MAP3K13: variants seen among roughly 807,000 people sequenced by gnomAD.
The protein encoded by MAP3K13 is leucine zipper-bearing kinase.
Under a neutral mutation model 104.0 loss-of-function variants are expected in MAP3K13, and 52 were observed. The observed-to-expected ratio is 0.50, with a 90% confidence interval of 0.40 to 0.63. The LOEUF is 0.63. MAP3K13 is among the 20% of genes least tolerant of loss of function. MAP3K13 has a pLI of 0.00. For synonymous variants in MAP3K13, 394 were observed against 442.2 expected (o/e 0.89, Z 1.37); for missense variants, 914 against 1,218.5 (o/e 0.75, Z 3.72).
chr3:185,319,087 A>G (rs955740853), intron 2 of MAP3K13, among the ~76,000 whole-genome samples: 8 of 152,204 alleles, frequency 5.3e-5, no homozygotes, highest in Admixed American at 3.3e-4. Context: ...ATAAAAATGA[A>G]ATCCTATTGT....
chr3:185,454,364 GAGAT>G (rs1491472723), intron 7 of MAP3K13, among the ~76,000 whole-genome samples: 2 of 86,970 alleles, frequency 2.3e-5, no homozygotes, highest in African/African-American at 8.8e-5. Context: ...AGATATATAT[GAGAT>G]ATATATATGA....
chr3:185,437,498 G>C lies in MAP3K13; in HGVS notation c.527G>C (p.Ser176Thr). Residue 176 changes from serine to threonine, a missense_variant, in exon 3 of 14, where the codon AGT (serine) becomes ACT (threonine). By Grantham distance (58) the Ser-to-Thr change is moderately conservative (BLOSUM62 1). This residue lies in a region of MAP3K13 where 175 missense variants were observed against 321.3 expected (regional missense o/e 0.54). Coordinates refer to ENST00000265026, the MANE Select transcript of MAP3K13 (RefSeq NM_004721.5). ...ATCTCAGAGCTGCAGTGGCTGGGTA[G>C]TGGAGCCCAAGGAGCGGTCTTCTTG... ...EEISELQWLG[S>T]GAQGAVFLGK... 2 of 1,614,026 alleles carry C rather than the reference G, an allele frequency of 1.2e-6. No homozygotes were observed. Among genetic ancestry groups the C allele is most frequent in the Non-Finnish European group, 1.7e-6 (2 of 1,179,984 alleles).
intron 1 of MAP3K13, among the ~76,000 whole-genome samples, chr3:185,415,137 TTTTTTATTTTTA>T (rs1165609761): frequency 1.3e-5 from 2 of 152,080 alleles, no homozygotes; most frequent in African/African-American, 2.4e-5. Context: ...GTGGCATATA[TTTTTTATTTTTA>T]TTTTTATTTT....
intron 2 of MAP3K13, among the ~76,000 whole-genome samples, chr3:185,357,205 G>A (rs1723395560): frequency 5.3e-5 from 8 of 151,976 alleles, no homozygotes; most frequent in Admixed American, 4.6e-4. Flanking sequence ...AGCACTTTGG[G>A]AGGCCGAGGC....
chr3:185,330,093 G>A (rs1486600576), intron 2 of MAP3K13, among the ~76,000 whole-genome samples: 1 of 122,212 alleles, frequency 8.2e-6, no homozygotes, highest in Non-Finnish European at 1.6e-5. Flanking sequence ...AGTAGAGATG[G>A]GGTTTCACCA....
In MAP3K13 at chr3:185,388,049, G is replaced by A. The variant is rs553107766; in HGVS notation, c.-86+24681G>A. 2.0e-5 allele frequency among the ~76,000 whole-genome samples: 3 copies of A among 151,006 alleles called. No homozygotes were observed. In the South Asian group the frequency reaches 6.3e-4, roughly 32 times the overall value. On this transcript the variant is annotated intron_variant, in intron 1 of 13. Coordinates refer to ENST00000265026, the MANE Select transcript of MAP3K13 (RefSeq NM_004721.5). ...AAAAATCAGTGCACAAAAATCAGTA[G>A]TTTACACAAAATATATACCAACAAC...
In MAP3K13 at chr3:185,483,127, G is replaced by A. The variant is rs1046646253; in HGVS notation, c.*671G>A. ...GATACTTGCACCCAATGTCTTCAAG[G>A]GCATGTGCTTCCTCTAGGAGGGAAA... On this transcript the variant is annotated 3_prime_UTR_variant, in exon 14 of 14. Coordinates refer to ENST00000265026, the MANE Select transcript of MAP3K13 (RefSeq NM_004721.5). 1 of 232,956 alleles carries A rather than the reference G, an allele frequency of 4.3e-6. No homozygotes were observed. Among genetic ancestry groups the A allele is most frequent in the African/African-American group, 2.2e-5 (1 of 45,310 alleles). The allele number at this position is 232,956 out of a possible 1,614,324, so 14.4% of individuals were successfully genotyped here.
chr3:185,311,188 C>T (rs1489723821), intron 2 of MAP3K13, among the ~76,000 whole-genome samples: 1 of 152,106 alleles, frequency 6.6e-6, no homozygotes, highest in African/African-American at 2.4e-5. Context: ...CATTTTCATG[C>T]TGCTAATAAA....
chr3:185,301,716 T>A (rs1478616504), intron 2 of MAP3K13, among the ~76,000 whole-genome samples: 1 of 152,180 alleles, frequency 6.6e-6, no homozygotes, highest in Non-Finnish European at 1.5e-5. Flanking sequence ...CCAATGCCAT[T>A]TGTTGAAGAG....
At position 185,454,775 on chromosome 3, in the gene MAP3K13, TGA is replaced by T. The variant is rs1158274408; in HGVS notation, c.1278+3383_1278+3384del. The stretch of plus-strand genomic sequence containing the variant: ...ATATGAGATATATATGACATATATA[TGA>T]GATATATACATGATATATATGAGAT... On this transcript the variant is annotated intron_variant, in intron 7 of 13. Transcript: ENST00000265026. 1.9e-5 allele frequency among the ~76,000 whole-genome samples: 2 copies of T among 105,360 alleles called. 1 individual carries two copies. Among genetic ancestry groups the T allele is most frequent in the East Asian group, 4.9e-4 (2 of 4,076 alleles). 69.1% of individuals were successfully genotyped at this position (105,360 alleles called of 152,430 possible). A position where few individuals can be genotyped will look rare whatever the true frequency, so the allele number is the denominator to read the frequency against.
intron 2 of MAP3K13, among the ~76,000 whole-genome samples, chr3:185,287,182 C>A (rs1226294574): frequency 6.6e-6 from 1 of 152,138 alleles, no homozygotes. Flanking sequence ...GCTGACCTGA[C>A]CAGGTGATAC....
At chr3:185,471,517 TG>T (rs1257126774) in intron 10 of MAP3K13, among the ~76,000 whole-genome samples, 2 of 142,798 alleles carry the variant, frequency 1.4e-5, no homozygotes, top group African/African-American at 5.3e-5. Flanking sequence ...TGGAGTGCAG[TG>T]GCACGATCTC....
At chr3:185,362,468 G>A (rs186811268), upstream of MAP3K13, among the ~76,000 whole-genome samples, 20 of 152,226 alleles carry the variant, frequency 1.3e-4, no homozygotes, top group Admixed American at 1.0e-3. Flanking sequence ...AGGAAACACT[G>A]TACCCTACTT....
chr3:185,358,287 A>G (rs1577460672), upstream of MAP3K13, among the ~76,000 whole-genome samples: 1 of 152,326 alleles, frequency 6.6e-6, no homozygotes, highest in East Asian at 1.9e-4. Flanking sequence ...TAAAAGGTAG[A>G]CAGACACCTA....
rs540337320 is a variant in MAP3K13 at position 185,328,968 on chromosome 3, T to C, written c.-86+43325T>C. ...TGTTCAGACTTCAGCTTGGTGTAAG[T>C]AGTTTTTTTTAAAAAAAACTATTAT... On this transcript the variant is annotated intron_variant, in intron 2 of 14. Coordinates refer to the MAP3K13 transcript ENST00000424227. 19 of 435,100 alleles carry C rather than the reference T, an allele frequency of 4.4e-5. No homozygotes were observed. In the East Asian group the frequency reaches 7.2e-4, roughly 16 times the overall value. The allele number at this position is 435,100 out of a possible 1,614,324, so 27.0% of individuals were successfully genotyped here.
At chr3:185,471,550 C>T (rs755563347) in intron 10 of MAP3K13, among the ~76,000 whole-genome samples, 3 of 147,840 alleles carry the variant, frequency 2.0e-5, no homozygotes, top group Non-Finnish European at 4.4e-5. Context: ...ACTTCTGCCT[C>T]CTGGGTTCAA....
chr3:185,421,384 G>A (rs1714119361), intron 1 of MAP3K13, among the ~76,000 whole-genome samples: 1 of 151,912 alleles, frequency 6.6e-6, no homozygotes, highest in South Asian at 2.1e-4. Flanking sequence ...GTTTAGTAGA[G>A]ATGGGGTTTC....
In MAP3K13 at chr3:185,418,579, C is replaced by A. The variant is rs754154458; in HGVS notation, c.-85-9918C>A. The A allele has an allele frequency of 1.2e-4, 199 of 1,612,226 alleles. No homozygotes were observed. Among genetic ancestry groups the A allele is most frequent in the Non-Finnish European group, 1.6e-4 (192 of 1,179,796 alleles). On this transcript the variant is annotated intron_variant, in intron 1 of 13. Coordinates refer to ENST00000265026, the MANE Select transcript of MAP3K13 (RefSeq NM_004721.5). The surrounding 1 kb of genome is among the most constrained non-coding windows in gnomAD (Gnocchi z 4.5). ...TCGAGCCATAGCTCTGCCAGTACCC[C>A]AAGACTCAGCACTGGTCTGATGACC...
intron 2 of MAP3K13, chr3:185,293,014 A>G: frequency 1.0e-6 from 1 of 985,200 alleles, no homozygotes; most frequent in Non-Finnish European, 1.2e-6. Flanking sequence ...TATATGTACA[A>G]ATGTGTGTGT....
Sources: gnomAD v4.1 joint callset for allele counts (sites outside exome capture counted in the v4.1 genomes callset) on GRCh38, gnomAD v4.1.1 for gene constraint, gnomAD v4.1.1 regional missense constraint, Gnocchi (gnomAD v3.1) non-coding constraint, MANE v1.5 for transcripts, NCBI Gene and HGNC (gene_info 2026-07-23, HGNC 2026-07-21) for gene names.